The following TPRG1 variants were observed in gnomAD, a reference collection of about 807,000 sequenced individuals.
The protein encoded by TPRG1 is tumor protein p63 regulated 1, also known as tumor protein p63-regulated gene 1 protein.
A neutral mutation model predicts 29.3 loss-of-function variants in TPRG1; 29 were observed. The observed-to-expected ratio is 0.99, with a 90% CI of 0.74 to 1.35. The LOEUF (loss-of-function observed/expected upper bound fraction) is 1.35, where lower values mean the gene tolerates loss of function less well. Ranked by LOEUF, TPRG1 falls within the 40% of genes most tolerant of loss-of-function variation. The pLI is 0.00. For missense variants in TPRG1, 327 were observed against 335.0 expected, an observed-to-expected ratio of 0.98 and a Z score of 0.19; for synonymous variants, 130 against 116.8, an observed-to-expected ratio of 1.11 and a Z score of -0.73.
chr3:189,202,290 G>A (rs1372347306), intron 1 of TPRG1, among the ~76,000 whole-genome samples: 1 of 152,142 alleles, frequency 6.6e-6, no homozygotes, highest in East Asian at 1.9e-4. Context: ...TGAAGAGACT[G>A]GAGAGCTACC....
intron 1 of TPRG1, among the ~76,000 whole-genome samples, chr3:189,105,768 G>A (rs901579440): frequency 9.9e-5 from 15 of 152,118 alleles, no homozygotes; most frequent in African/African-American, 3.4e-4. Flanking sequence ...ATGTCCTTCC[G>A]ACATAATAAT....
At chr3:189,062,071 TGTG>T (rs1716143313) in intron 4 of TPRG1, among the ~76,000 whole-genome samples, 1 of 152,110 alleles carries the variant, frequency 6.6e-6, no homozygotes, top group African/African-American at 2.4e-5. Context: ...ATAAAGAAAA[TGTG>T]GTACCTATAC....
intron 5 of TPRG1, among the ~76,000 whole-genome samples, chr3:189,312,143 T>C (rs187390926): frequency 0.24 from 13,062 of 55,498 alleles, 1,615 homozygotes; most frequent in Middle Eastern, 0.32. Flanking sequence ...CTTTCTTTCT[T>C]TCTTTCTTTC....
chr3:189,147,489 A>T (rs191768851), intron 3 of TPRG1: 2 of 152,348 alleles, frequency 1.3e-5, no homozygotes, highest in East Asian at 3.9e-4. Context: ...GGAGGCAGAA[A>T]AGAAGTGGAA....
At chr3:189,284,403 G>A (rs1717700334) in intron 4 of TPRG1, among the ~76,000 whole-genome samples, 2 of 129,438 alleles carry the variant, frequency 1.5e-5, no homozygotes, top group South Asian at 4.7e-4. Context: ...CCCTTCCTGT[G>A]TCCATGTGTT....
chr3:189,317,390 T>C (rs2109351872), intron 5 of TPRG1, among the ~76,000 whole-genome samples: 1 of 152,290 alleles, frequency 6.6e-6, no homozygotes, highest in East Asian at 1.9e-4. Context: ...ACTCCAAATT[T>C]CAGGCTCATC....
intron 1 of TPRG1, among the ~76,000 whole-genome samples, chr3:189,203,407 C>T (rs1733807286): frequency 6.6e-6 from 1 of 152,020 alleles, no homozygotes; most frequent in South Asian, 2.1e-4. Context: ...AATTGACGCA[C>T]AATCCACTAC....
At chr3:189,279,424 T>A (rs989592373) in intron 4 of TPRG1, among the ~76,000 whole-genome samples, 2 of 152,230 alleles carry the variant, frequency 1.3e-5, no homozygotes, top group Non-Finnish European at 2.9e-5. Context: ...GAGGCAAGTA[T>A]GCCCTAGTGC....
chr3:189,190,174 G>A (rs1731489356), intron 1 of TPRG1, among the ~76,000 whole-genome samples: 1 of 152,164 alleles, frequency 6.6e-6, no homozygotes, highest in African/African-American at 2.4e-5. Context: ...AAAACTCTAA[G>A]GAATAGTCAG....
chr3:189,270,575 C>T (rs1714951177), intron 4 of TPRG1, among the ~76,000 whole-genome samples: 1 of 152,198 alleles, frequency 6.6e-6, no homozygotes. Context: ...CTAGGGTTGG[C>T]AGGCAGGGAG....
At chr3:189,208,934 G>T (rs1173798755) in intron 2 of TPRG1, among the ~76,000 whole-genome samples, 1 of 152,176 alleles carries the variant, frequency 6.6e-6, no homozygotes, top group Admixed American at 6.5e-5. Context: ...TCTGGTGTTG[G>T]GCCTGAAGTT....
chr3:189,116,860 T>C (rs1721237397), intron 1 of TPRG1, among the ~76,000 whole-genome samples: 2 of 152,180 alleles, frequency 1.3e-5, no homozygotes, highest in East Asian at 3.8e-4. Flanking sequence ...AGACTGGTTG[T>C]AGAACAGTGT....
At chr3:189,308,846 C>A (rs758403866) in intron 4 of TPRG1, among the ~76,000 whole-genome samples, 25 of 151,994 alleles carry the variant, frequency 1.6e-4, no homozygotes, top group Non-Finnish European at 3.1e-4. Flanking sequence ...ATCCAGAATG[C>A]TCCATTTACC....
chr3:189,130,157 T>C (rs888044154), intron 2 of TPRG1, among the ~76,000 whole-genome samples: 8 of 152,216 alleles, frequency 5.3e-5, no homozygotes, highest in African/African-American at 1.9e-4. Flanking sequence ...GTACAGATCT[T>C]GGCACATACA....
In TPRG1 at chr3:189,148,785, C is replaced by T. The variant is rs1725574572; in HGVS notation, c.-227+1138C>T. On this transcript the variant is annotated intron_variant, in intron 4 of 6. Coordinates refer to the TPRG1 transcript ENST00000412373. ...GCTTTTCAAACATTTGGAACTCTCT[C>T]ATTACTTGAAATCACCTGTGGAAAC... Among the ~76,000 whole-genome samples the T allele has an allele frequency of 5.9e-5, 9 of 152,342 alleles. No individual in the cohort carries two copies. The South Asian group carries it at 1.9e-3, about 32-fold the overall frequency.
At chr3:189,029,452 T>G (rs1017888749) in intron 4 of TPRG1, among the ~76,000 whole-genome samples, 1 of 152,178 alleles carries the variant, frequency 6.6e-6, no homozygotes, top group Non-Finnish European at 1.5e-5. Context: ...CTGTGCTGTC[T>G]TTCATTATAG....
chr3:189,163,843 C>T (rs1446393218), intron 5 of TPRG1, among the ~76,000 whole-genome samples: 1 of 152,110 alleles, frequency 6.6e-6, no homozygotes, highest in Non-Finnish European at 1.5e-5. Flanking sequence ...CTTGGCTCTG[C>T]TTGTCTAGCA....
At chr3:189,074,199 C>CTTT (rs554150288) in intron 4 of TPRG1, among the ~76,000 whole-genome samples, 299 of 68,012 alleles carry the variant, frequency 4.4e-3, no homozygotes, top group Non-Finnish European at 5.8e-3. Flanking sequence ...AATTATTTTC[C>CTTT]TTTTTTTTTT....
chr3:189,209,142 TACAC>T (rs1360689631), intron 2 of TPRG1, among the ~76,000 whole-genome samples: 2 of 152,172 alleles, frequency 1.3e-5, no homozygotes, highest in African/African-American at 4.8e-5. Flanking sequence ...ATTACTGAGC[TACAC>T]ACTTAACTAG....
Sources: gnomAD v4.1 joint callset for allele counts (sites outside exome capture counted in the v4.1 genomes callset) on GRCh38, gnomAD v4.1.1 for gene constraint, MANE v1.5 for transcripts, NCBI Gene and HGNC (gene_info 2026-07-23, HGNC 2026-07-21) for gene names.